PPARD: variants seen among roughly 807,000 people sequenced by gnomAD.
The protein encoded by PPARD is peroxisome proliferator-activated receptor delta.
Under a neutral mutation model 39.5 loss-of-function variants are expected in PPARD, and 6 were observed. The ratio of observed to expected loss-of-function variants is 0.15; its 90% CI spans 0.08 to 0.30. The LOEUF (loss-of-function observed/expected upper bound fraction) is 0.30, where lower values mean the gene tolerates loss of function less well. Ranked by LOEUF, PPARD falls within the 10% of genes least tolerant of loss-of-function variation. The pLI, the probability that PPARD is intolerant of heterozygous loss-of-function variation, is 1.00. For missense variants in PPARD, 397 were observed against 596.8 expected, an observed-to-expected ratio of 0.67 and a Z score of 3.49; for synonymous variants, 210 against 231.3, an observed-to-expected ratio of 0.91 and a Z score of 0.83.
At chr6:35,387,176 T>G (rs1157174253) in intron 2 of PPARD, among the ~76,000 whole-genome samples, 2 of 151,910 alleles carry the variant, frequency 1.3e-5, no homozygotes, top group Non-Finnish European at 2.9e-5. Flanking sequence ...GTTGTTGCTC[T>G]TTACCAGGCC....
intron 2 of PPARD, among the ~76,000 whole-genome samples, chr6:35,373,062 G>A (rs1762589520): frequency 2.0e-5 from 3 of 152,178 alleles, no homozygotes; most frequent in African/African-American, 7.2e-5. Context: ...CCTCCAGAGG[G>A]GATGAATGCT....
chr6:35,368,217 G>A (rs141190342), intron 2 of PPARD, among the ~76,000 whole-genome samples: 49 of 152,310 alleles, frequency 3.2e-4, no homozygotes, highest in African/African-American at 1.1e-3. Context: ...TCCAAAATAG[G>A]TTTGCTCTAG....
chr6:35,397,828 G>A (rs1018528524), intron 2 of PPARD, among the ~76,000 whole-genome samples: 5 of 152,194 alleles, frequency 3.3e-5, no homozygotes, highest in South Asian at 2.1e-4. Flanking sequence ...GGTGGACTAC[G>A]CATATTTGAA....
chr6:35,426,289 C>T lies in PPARD; in HGVS notation c.*210C>T, dbSNP rs1766571355. On this transcript the variant is annotated 3_prime_UTR_variant, in exon 8 of 8. Coordinates refer to ENST00000360694, the MANE Select transcript of PPARD (RefSeq NM_006238.5). ...CCAGCTCTCTTCCTGTCTTTGTTGT[C>T]TCCCTCTTTCTCAGTTCCTCTTTCT... The T allele has an allele frequency of 3.3e-6, 2 of 613,204 alleles. No individual in the cohort carries two copies. Among genetic ancestry groups the T allele is most frequent in the Non-Finnish European group, 5.6e-6 (2 of 355,240 alleles). 38.0% of individuals were successfully genotyped at this position (613,204 alleles called of 1,614,324 possible).
chr6:35,420,320 G>A, intron 4 of PPARD, 39 bp downstream of exon 4: 2 of 1,522,538 alleles, frequency 1.3e-6, no homozygotes, highest in Non-Finnish European at 1.8e-6. Flanking sequence ...CACTGAGGCT[G>A]TGGTCACATG....
In PPARD at chr6:35,420,198, G is replaced by A. The variant is rs201359132; in HGVS notation, c.202G>A (p.Gly68Ser). Residue 68 changes from glycine to serine, a missense_variant, in exon 4 of 8, where the codon GGC becomes AGC. Gly to Ser is a moderately conservative substitution (Grantham distance 56). Transcript: ENST00000360694. ...LQMGCDGASC[G>S]SLNMECRVCG... is the part of the protein sequence containing the mutation. Reference sequence around the variant, plus strand: ...GATGGGCTGTGACGGGGCCTCATGCGGCAGCCTCAACATGGAGTGCCGGGT... The same window carrying A: ...GATGGGCTGTGACGGGGCCTCATGCAGCAGCCTCAACATGGAGTGCCGGGT... 2.8e-5 allele frequency: 45 copies of A among 1,612,832 alleles called. No homozygotes were observed. The highest frequency in any genetic ancestry group is 3.6e-5 in the Non-Finnish European group (43 of 1,179,470).
At chr6:35,381,813 C>T (rs2150589957) in intron 2 of PPARD, among the ~76,000 whole-genome samples, 1 of 152,230 alleles carries the variant, frequency 6.6e-6, no homozygotes, top group South Asian at 2.1e-4. Context: ...GCAAGGTCTG[C>T]CGCCATTCAT....
intron 2 of PPARD, among the ~76,000 whole-genome samples, chr6:35,380,462 TTTTTTTTTTGTTTG>T (rs1738250880): frequency 5.5e-4 from 61 of 110,336 alleles, no homozygotes; most frequent in African/African-American, 3.1e-3. Context: ...ACCTCGTGTT[TTTTTTTTTTGTTTG>T]TTTTTTTTTT....
chr6:35,422,356 C>G (rs1051904294), intron 5 of PPARD, among the ~76,000 whole-genome samples: 1 of 152,192 alleles, frequency 6.6e-6, no homozygotes, highest in Non-Finnish European at 1.5e-5. Context: ...GGTGGCCCTT[C>G]TTGGTTATAG....
intron 2 of PPARD, among the ~76,000 whole-genome samples, chr6:35,398,396 G>T (rs1454342581): frequency 6.6e-6 from 1 of 152,198 alleles, no homozygotes; most frequent in Non-Finnish European, 1.5e-5. Flanking sequence ...AAAGGTTGGA[G>T]TTGTCATTTA....
chr6:35,356,439 C>A (rs192558429), intron 2 of PPARD, among the ~76,000 whole-genome samples: 1 of 152,202 alleles, frequency 6.6e-6, no homozygotes, highest in Non-Finnish European at 1.5e-5. Flanking sequence ...CTCATTACCC[C>A]CTTTTCCAAA....
intron 3 of PPARD, among the ~76,000 whole-genome samples, chr6:35,413,121 T>C (rs1765532773): frequency 6.6e-6 from 1 of 152,232 alleles, no homozygotes; most frequent in Non-Finnish European, 1.5e-5. Flanking sequence ...TGGAGTTTCC[T>C]CCACACCCCT....
At chr6:35,406,691 A>T (rs1363781269) in intron 2 of PPARD, among the ~76,000 whole-genome samples, 1 of 152,056 alleles carries the variant, frequency 6.6e-6, no homozygotes, top group Admixed American at 6.5e-5. Context: ...CAAATTCAGA[A>T]CTCTAGCCAG....
chr6:35,397,744 A>G (rs142332846), intron 2 of PPARD, among the ~76,000 whole-genome samples: 42 of 152,318 alleles, frequency 2.8e-4, no homozygotes, highest in African/African-American at 9.9e-4. Context: ...AAGGAAATAT[A>G]TATACACTCT....
rs73411792 is a variant in PPARD at position 35,381,646 on chromosome 6, T to C, written c.-101-29341T>C. ...CATGCTCCATCTTAAGGAGCTTTCC[T>C]GCAAGTCCCACCAAATAGCTTCAGC... On this transcript the variant is annotated intron_variant, in intron 2 of 7. Transcript: ENST00000360694. Among the ~76,000 whole-genome samples, 156 of 152,326 alleles carry C rather than the reference T, an allele frequency of 1.0e-3. 1 individual carries two copies. The highest frequency in any genetic ancestry group is 3.3e-3 in the African/African-American group (138 of 41,568).
At chr6:35,407,849 G>C (rs1407311141) in intron 2 of PPARD, among the ~76,000 whole-genome samples, 1 of 149,268 alleles carries the variant, frequency 6.7e-6, no homozygotes, top group African/African-American at 2.4e-5. Flanking sequence ...ACTGCTGTTG[G>C]TAATTGCTAG....
intron 2 of PPARD, among the ~76,000 whole-genome samples, chr6:35,356,982 G>A (rs754847740): frequency 2.0e-5 from 3 of 152,222 alleles, no homozygotes; most frequent in Non-Finnish European, 2.9e-5. Flanking sequence ...GAAAGCATAT[G>A]ATGTCTGCAC....
Position 35,426,066 on chromosome 6 carries a change from A to G in PPARD, c.1313A>G (p.Lys438Arg). 2 of 1,611,242 alleles carry G rather than the reference A, an allele frequency of 1.2e-6. No individual in the cohort carries two copies. Among genetic ancestry groups the G allele is most frequent in the African/African-American group, 1.3e-5 (1 of 74,460 alleles). The change falls in exon 8 of 8, where the codon AAG becomes AGG. Residue 438 changes from lysine (K) to arginine (R), a missense_variant. Coordinates refer to ENST00000360694, the MANE Select transcript of PPARD (RefSeq NM_006238.5). ...CACCCTCTGCTCCAGGAGATCTACAAGGACATGTACTAACGGCGGCACCCA... is the reference window on the plus strand; with the variant it reads ...CACCCTCTGCTCCAGGAGATCTACAGGGACATGTACTAACGGCGGCACCCA... ...SLHPLLQEIY[K>R]DMY
chr6:35,421,001 A>G (rs1766123254), intron 4 of PPARD, among the ~76,000 whole-genome samples: 1 of 151,490 alleles, frequency 6.6e-6, no homozygotes, highest in African/African-American at 2.4e-5. Flanking sequence ...TAATTTTTGT[A>G]TTTTTAGTAG....
Sources: gnomAD v4.1 joint callset for allele counts (sites outside exome capture counted in the v4.1 genomes callset) on GRCh38, gnomAD v4.1.1 for gene constraint, MANE v1.5 for transcripts, NCBI Gene and HGNC (gene_info 2026-07-23, HGNC 2026-07-21) for gene names.